The following NALCN variants were observed in gnomAD, a reference collection of about 807,000 sequenced individuals.
NALCN encodes sodium leak channel NALCN.
In NALCN, 111 loss-of-function variants were observed where a neutral mutation model predicts 225.3. The ratio of observed to expected loss-of-function variants is 0.49; its 90% CI spans 0.42 to 0.58. The LOEUF (loss-of-function observed/expected upper bound fraction) is 0.58. NALCN is among the 20% of genes least tolerant of loss of function. NALCN has a pLI of 0.00. For missense variants in NALCN, 1,378 were observed against 2,202.4 expected (o/e 0.63, Z 7.49); for synonymous variants, 764 against 769.0 (o/e 0.99, Z 0.11).
chr13:101,083,596 C>T, intron 31 of NALCN, 115 bp downstream of exon 31: 1 of 985,804 alleles, frequency 1.0e-6, no homozygotes. Flanking sequence ...TCTGTATTAC[C>T]TTATGCACAA....
chr13:101,307,087 A>G (rs1402966068), intron 7 of NALCN, among the ~76,000 whole-genome samples: 1 of 152,174 alleles, frequency 6.6e-6, no homozygotes, highest in Non-Finnish European at 1.5e-5. Context: ...TATTGTTATG[A>G]ACTTCTAAGT....
chr13:101,330,932 G>T (rs999614439), intron 7 of NALCN, among the ~76,000 whole-genome samples: 4 of 152,166 alleles, frequency 2.6e-5, no homozygotes, highest in African/African-American at 9.7e-5. Flanking sequence ...ATGATTGTGA[G>T]GCCTCCCCAG....
chr13:101,082,178 A>G (rs2033690787), intron 33 of NALCN, among the ~76,000 whole-genome samples: 1 of 152,180 alleles, frequency 6.6e-6, no homozygotes, highest in Admixed American at 6.5e-5. Context: ...ATGCTCGGTT[A>G]TACTATCTAT....
chr13:101,106,512 G>A (rs1185377180), intron 22 of NALCN, among the ~76,000 whole-genome samples: 1 of 152,100 alleles, frequency 6.6e-6, no homozygotes, highest in African/African-American at 2.4e-5. Context: ...TTTACTTAAA[G>A]GTACTGATAG....
chr13:101,264,273 A>G (rs2042525923), intron 10 of NALCN, among the ~76,000 whole-genome samples: 1 of 152,058 alleles, frequency 6.6e-6, no homozygotes, highest in African/African-American at 2.4e-5. Context: ...GACTCCACAT[A>G]CACATTTGAT....
chr13:101,359,207 C>A lies in NALCN; in HGVS notation c.645-13787G>T, dbSNP rs1594738473. Among the ~76,000 whole-genome samples, 3 of 151,766 alleles carry A rather than the reference C, an allele frequency of 2.0e-5. No individual in the cohort carries two copies. The East Asian group carries it at 5.8e-4, about 29-fold the overall frequency. ...CTTAAAGTAAAAATTTTTTAAAAAG[C>A]AAACAAGTGAATAAATGGATACAAA... On this transcript the variant is annotated intron_variant, in intron 6 of 43. Transcript: ENST00000251127.
chr13:101,093,813 C>G (rs996885621), intron 28 of NALCN, among the ~76,000 whole-genome samples: 1 of 152,122 alleles, frequency 6.6e-6, no homozygotes, highest in African/African-American at 2.4e-5. Context: ...GATCCTATAA[C>G]TCATATAACA....
intron 18 of NALCN, among the ~76,000 whole-genome samples, chr13:101,123,108 TC>T (rs1386058560): frequency 6.6e-6 from 1 of 152,150 alleles, no homozygotes; most frequent in Non-Finnish European, 1.5e-5. Flanking sequence ...AAGGAAGAGT[TC>T]CTAGGGAAGT....
intron 10 of NALCN, among the ~76,000 whole-genome samples, chr13:101,265,689 T>C (rs961662633): frequency 6.6e-6 from 1 of 152,184 alleles, no homozygotes; most frequent in African/African-American, 2.4e-5. Flanking sequence ...AACAACTCTG[T>C]GAGGTAGATA....
chr13:101,126,484 A>G (rs557811827), intron 17 of NALCN, among the ~76,000 whole-genome samples: 1 of 148,002 alleles, frequency 6.8e-6, no homozygotes, highest in South Asian at 2.2e-4. Context: ...GAAAGAGTTG[A>G]CTTTTGGCAT....
chr13:101,189,342 A>G (rs895397897), intron 14 of NALCN, among the ~76,000 whole-genome samples: 6 of 152,352 alleles, frequency 3.9e-5, no homozygotes, highest in African/African-American at 1.4e-4. Flanking sequence ...ATACTTGCAT[A>G]AATTAAAAAT....
chr13:101,081,938 C>T (rs1209059384), intron 33 of NALCN, among the ~76,000 whole-genome samples: 1 of 152,076 alleles, frequency 6.6e-6, no homozygotes, highest in Non-Finnish European at 1.5e-5. Flanking sequence ...AGTGCAGTGG[C>T]ATGATCTTGG....
At chr13:101,254,246 G>T (rs926203768) in intron 11 of NALCN, among the ~76,000 whole-genome samples, 2 of 151,646 alleles carry the variant, frequency 1.3e-5, no homozygotes, top group African/African-American at 4.8e-5. Flanking sequence ...AGCTGGGTGT[G>T]CCTGTTATCC....
chr13:101,056,980 A>AAAT (rs1182954883), intron 43 of NALCN: 1 of 152,148 alleles, frequency 6.6e-6, no homozygotes, highest in Non-Finnish European at 1.5e-5. Context: ...GATCTCTGAA[A>AAAT]AATAAGTTCC....
chr13:101,197,152 C>T (rs779983710), intron 13 of NALCN, among the ~76,000 whole-genome samples: 17 of 152,102 alleles, frequency 1.1e-4, no homozygotes, highest in Non-Finnish European at 2.4e-4. Context: ...CTGCATAGCC[C>T]TTTGGCCACA....
In NALCN at chr13:101,311,462, T is replaced by A. The variant is rs563846189; in HGVS notation, c.800-19096A>T. 1.6e-4 allele frequency among the ~76,000 whole-genome samples: 9 copies of A among 55,820 alleles called. 1 individual carries two copies. Among genetic ancestry groups the A allele is most frequent in the African/African-American group, 4.5e-4 (8 of 17,776 alleles). 36.6% of individuals were successfully genotyped at this position (55,820 alleles called of 152,430 possible). A position where few individuals can be genotyped will look rare whatever the true frequency, so the allele number is the denominator to read the frequency against. On this transcript the variant is annotated intron_variant, in intron 7 of 43. Coordinates refer to ENST00000251127, the MANE Select transcript of NALCN (RefSeq NM_052867.4). ...CCAGTTTTCAAAGGGAATGCTTCCA[T>A]TTTTGCCCATTCAGTATGATATTGG...
At chr13:101,364,044 C>T (rs528303872) in intron 6 of NALCN, among the ~76,000 whole-genome samples, 2 of 151,898 alleles carry the variant, frequency 1.3e-5, no homozygotes, top group African/African-American at 2.4e-5. Context: ...CATGTCACCC[C>T]AAGTTAAAAT....
intron 6 of NALCN, among the ~76,000 whole-genome samples, chr13:101,352,441 CAT>C (rs886446584): frequency 1.2e-4 from 18 of 151,876 alleles, no homozygotes; most frequent in African/African-American, 4.4e-4. Context: ...CCTGCATTTG[CAT>C]ATGAGAGAGA....
intron 10 of NALCN, among the ~76,000 whole-genome samples, chr13:101,274,261 T>TAA (rs59774760): frequency 6.6e-6 from 1 of 151,860 alleles, no homozygotes; most frequent in Non-Finnish European, 1.5e-5. Flanking sequence ...AGCAAAACAA[T>TAA]CAAGCTCAAT....
Sources: allele counts gnomAD v4.1 joint callset (sites outside exome capture counted in the v4.1 genomes callset), GRCh38; gene constraint gnomAD v4.1.1; transcripts MANE v1.5; gene names NCBI Gene and HGNC (gene_info 2026-07-23, HGNC 2026-07-21).